The following TRAPPC10 variants were observed in gnomAD, a reference collection of about 807,000 sequenced individuals.
The protein encoded by TRAPPC10 is trafficking protein particle complex subunit 10.
TRAPPC10 carries 23 observed loss-of-function variants against 125.5 expected under a neutral mutation model. The observed-to-expected ratio is 0.18, with a 90% confidence interval of 0.13 to 0.26. The LOEUF (loss-of-function observed/expected upper bound fraction) is 0.26. TRAPPC10 is among the 10% of genes least tolerant of loss of function. The pLI is 1.00. For synonymous variants in TRAPPC10, 509 were observed against 518.0 expected (o/e 0.98, Z 0.24); for missense variants, 1,123 against 1,308.4 (o/e 0.86, Z 2.19).
chr21:44,087,820 A>G lies in TRAPPC10; in HGVS notation c.2661A>G (p.Ser887=). Residue 887 remains serine (S), a synonymous_variant, in exon 17 of 23, where the codon TCA becomes TCG. Transcript: ENST00000291574. This position sits in a 1 kb window ranked among gnomAD's most constrained non-coding sequence, Gnocchi z 4.6. ...AACTGGAAGTTCTCTCTTTACCTTCAGCCCCAGCACTCGGAGGGGAGAGTG... is the reference window on the plus strand; with the variant it reads ...AACTGGAAGTTCTCTCTTTACCTTCGGCCCCAGCACTCGGAGGGGAGAGTG... ...EFELEVLSLP[S]APALGGESDM... 6.2e-7 allele frequency: 1 copy of G among 1,614,196 alleles called. No homozygotes were observed. Among genetic ancestry groups the G allele is most frequent in the Non-Finnish European group, 8.5e-7 (1 of 1,180,040 alleles).
chr21:44,078,938 C>T (rs1483997960), intron 11 of TRAPPC10, among the ~76,000 whole-genome samples: 1 of 152,104 alleles, frequency 6.6e-6, no homozygotes, highest in East Asian at 1.9e-4. Flanking sequence ...AGAGCAAGAC[C>T]CCATCTTTAA....
chr21:44,023,189 C>T (rs908342691), intron 1 of TRAPPC10, among the ~76,000 whole-genome samples: 20 of 151,730 alleles, frequency 1.3e-4, no homozygotes, highest in Non-Finnish European at 2.1e-4. Context: ...CCCGCCACCA[C>T]GCCGGGCTAA....
intron 11 of TRAPPC10, among the ~76,000 whole-genome samples, chr21:44,078,779 A>G (rs1014972799): frequency 3.9e-5 from 6 of 152,186 alleles, no homozygotes; most frequent in South Asian, 4.1e-4. Context: ...ACAAGCCCTT[A>G]TTAATTTGCA....
chr21:44,086,146 A>G (rs558173545), intron 15 of TRAPPC10, among the ~76,000 whole-genome samples: 2 of 152,278 alleles, frequency 1.3e-5, no homozygotes, highest in Non-Finnish European at 2.9e-5. Context: ...TGCCCTCCCC[A>G]TGGCCCAGCG....
chr21:44,026,766 G>A lies in TRAPPC10; in HGVS notation c.68-5325G>A, dbSNP rs532204962. ...ATCTCTTGTCTAGTCCAGTCACTCCGCTGCTTTTAGTCGCAACTGGGAGAT... is the reference window on the plus strand; with the variant it reads ...ATCTCTTGTCTAGTCCAGTCACTCCACTGCTTTTAGTCGCAACTGGGAGAT... On this transcript the variant is annotated intron_variant, in intron 1 of 22. Transcript: ENST00000291574. 5.0e-4 allele frequency among the ~76,000 whole-genome samples: 76 copies of A among 152,272 alleles called. 1 individual carries two copies. Among genetic ancestry groups the A allele is most frequent in the African/African-American group, 1.7e-3 (70 of 41,562 alleles).
chr21:44,018,366 C>T (rs2032104779), intron 1 of TRAPPC10, among the ~76,000 whole-genome samples: 1 of 150,840 alleles, frequency 6.6e-6, no homozygotes, highest in East Asian at 1.9e-4. Flanking sequence ...GATTGTACCT[C>T]ACACTGCAAC....
rs778366785 is a variant in TRAPPC10 at position 44,082,981 on chromosome 21, G to A, written c.1917G>A (p.Arg639=). 7 of 1,614,074 alleles carry A rather than the reference G, an allele frequency of 4.3e-6. No homozygotes were observed. The highest frequency in any genetic ancestry group is 5.9e-6 in the Non-Finnish European group (7 of 1,180,034). Residue 639 remains arginine, a synonymous_variant, in exon 14 of 23, where the codon CGG becomes CGA. Transcript: ENST00000291574. The surrounding 1 kb of genome is among the most constrained non-coding windows in gnomAD (Gnocchi z 4.4). Reference sequence around the variant, plus strand: ...TCAGCATTGAGAAAAACAGCTACCGGAAGACTGCGGAGTGGCTTACCAAGC... The same window carrying A: ...TCAGCATTGAGAAAAACAGCTACCGAAAGACTGCGGAGTGGCTTACCAAGC... The part of the protein sequence containing the change: ...VHFSIEKNSY[R]KTAEWLTKHK...
At chr21:44,062,964 C>T in intron 6 of TRAPPC10, 4 of 1,301,182 alleles carry the variant, frequency 3.1e-6, no homozygotes, top group Non-Finnish European at 4.0e-6. Flanking sequence ...GTAAGTAAAC[C>T]TCTGGGAGCC....
chr21:44,052,175 G>C (rs1034569751), intron 3 of TRAPPC10, 105 bp from the exon 4 acceptor site: 7 of 1,008,052 alleles, frequency 6.9e-6, no homozygotes, highest in Middle Eastern at 2.2e-4. Context: ...CTGTCCTGAT[G>C]CTTTAAAACA....
intron 1 of TRAPPC10, among the ~76,000 whole-genome samples, chr21:44,015,602 C>A (rs1027815868): frequency 1.3e-5 from 2 of 149,520 alleles, no homozygotes; most frequent in African/African-American, 5.0e-5. Flanking sequence ...TATTTTGAAG[C>A]TCTCCAAATT....
chr21:44,081,017 C>CTTTTTTTTTTTTTTTTTTTTTA (rs67865929), intron 13 of TRAPPC10, among the ~76,000 whole-genome samples: 1 of 97,196 alleles, frequency 1.0e-5, no homozygotes, highest in Non-Finnish European at 2.0e-5. Flanking sequence ...TTTTTTTTTT[C>CTTTTTTTTTTTTTTTTTTTTTA]TTTTTTTTTT....
At chr21:44,022,286 T>C (rs990475598) in intron 1 of TRAPPC10, among the ~76,000 whole-genome samples, 1 of 76,346 alleles carries the variant, frequency 1.3e-5, no homozygotes, top group African/African-American at 1.1e-4. Flanking sequence ...ATTTTTTTTT[T>C]TTTTTTTTTT....
rs376669076 is a variant in TRAPPC10, at chr21:44,066,810, G to A, written c.1038+3025G>A. ...TTCATACAAGTAGAATTGGAAGGTC[G>A]AAGATAGACATGTTTTTAAAGCTAT... On this transcript the variant is annotated intron_variant, in intron 7 of 22. Coordinates refer to ENST00000291574, the MANE Select transcript of TRAPPC10 (RefSeq NM_003274.5). Among the ~76,000 whole-genome samples, 64 of 152,264 alleles carry A rather than the reference G, an allele frequency of 4.2e-4. 1 individual carries two copies. Among genetic ancestry groups the A allele is most frequent in the African/African-American group, 1.5e-3 (61 of 41,540 alleles).
chr21:44,031,503 A>G (rs2033578278), intron 1 of TRAPPC10, among the ~76,000 whole-genome samples: 1 of 152,182 alleles, frequency 6.6e-6, no homozygotes, highest in African/African-American at 2.4e-5. Flanking sequence ...TGTGCACTGA[A>G]CACGTTGGCC....
At chr21:44,072,816 T>C (rs1309581267) in intron 7 of TRAPPC10, among the ~76,000 whole-genome samples, 1 of 152,190 alleles carries the variant, frequency 6.6e-6, no homozygotes, top group Admixed American at 6.5e-5. Context: ...GGTGCCTGTT[T>C]ACAGAAGCTT....
At chr21:44,034,773 G>A (rs940796257) in intron 2 of TRAPPC10, among the ~76,000 whole-genome samples, 2 of 152,174 alleles carry the variant, frequency 1.3e-5, no homozygotes, top group African/African-American at 4.8e-5. Flanking sequence ...CCTTGTAAGA[G>A]GCAGAAGAGA....
At chr21:44,034,956 C>T (rs2033882777) in intron 2 of TRAPPC10, among the ~76,000 whole-genome samples, 1 of 152,206 alleles carries the variant, frequency 6.6e-6, no homozygotes, top group Non-Finnish European at 1.5e-5. Flanking sequence ...TTGATTTCAA[C>T]TTTCTGGCCT....
At chr21:44,069,070 A>G (rs1601737782) in intron 7 of TRAPPC10, among the ~76,000 whole-genome samples, 1 of 152,348 alleles carries the variant, frequency 6.6e-6, no homozygotes, top group Admixed American at 6.5e-5. Flanking sequence ...ACTCTTGAAG[A>G]TAACTTGGGA....
intron 12 of TRAPPC10, 58 bp downstream of exon 12, chr21:44,079,762 T>C: frequency 1.5e-5 from 24 of 1,555,722 alleles, no homozygotes; most frequent in Non-Finnish European, 2.1e-5. Flanking sequence ...ACGGCAACAT[T>C]GCCCACAATC....
Sources: allele counts gnomAD v4.1 joint callset (sites outside exome capture counted in the v4.1 genomes callset), GRCh38; gene constraint gnomAD v4.1.1; non-coding constraint Gnocchi (gnomAD v3.1); transcripts MANE v1.5; gene names NCBI Gene and HGNC (gene_info 2026-07-23, HGNC 2026-07-21).